AGBL1: variants seen among roughly 807,000 people sequenced by gnomAD.
The protein encoded by AGBL1 is AGBL carboxypeptidase 1.
Under a neutral mutation model 118.9 loss-of-function variants are expected in AGBL1, and 130 were observed. The observed-to-expected ratio is 1.09, with a 90% CI of 0.95 to 1.26. The LOEUF (loss-of-function observed/expected upper bound fraction) is 1.26, where lower values mean the gene tolerates loss of function less well. Among genes scored for constraint, AGBL1 ranks in the 50% most tolerant of loss-of-function variants. AGBL1 has a pLI of 0.00. For synonymous variants in AGBL1, 555 were observed against 478.9 expected (o/e 1.16, Z -2.08); for missense variants, 1,584 against 1,298.1 (o/e 1.22, Z -3.38).
intron 1 of AGBL1, among the ~76,000 whole-genome samples, chr15:86,087,741 AG>A (rs1193934307): frequency 1.3e-5 from 2 of 152,236 alleles, no homozygotes; most frequent in Non-Finnish European, 2.9e-5. Context: ...AGAGTGAACA[AG>A]TGGCATAGCT....
intron 3 of AGBL1, among the ~76,000 whole-genome samples, chr15:86,145,584 C>T (rs2077022507): frequency 6.6e-6 from 1 of 152,184 alleles, no homozygotes; most frequent in Non-Finnish European, 1.5e-5. Flanking sequence ...AGCACTCTTC[C>T]TTCCAATATT....
In AGBL1 at chr15:86,927,425, C is replaced by CA. The variant is rs10597612; in HGVS notation, c.3222-60550dup. 1.9e-3 allele frequency among the ~76,000 whole-genome samples: 271 copies of CA among 141,898 alleles called. 1 individual carries two copies. The East Asian group carries it at 0.02, about 10-fold the overall frequency. 93.1% of individuals were successfully genotyped at this position (141,898 alleles called of 152,430 possible). On this transcript the variant is annotated intron_variant, in intron 23 of 24. Transcript: ENST00000441037. Reference sequence around the variant, plus strand: ...GCAATAAAGGGAGACCCCATCTTTACAAAAAAAAAAAATAGCCAGGTGTGG... The same window carrying CA: ...GCAATAAAGGGAGACCCCATCTTTACAAAAAAAAAAAAATAGCCAGGTGTGG...
intron 21 of AGBL1, among the ~76,000 whole-genome samples, chr15:86,559,640 G>C (rs1234675936): frequency 6.6e-6 from 1 of 151,994 alleles, no homozygotes; most frequent in African/African-American, 2.4e-5. Flanking sequence ...ATTACTTCAT[G>C]TCTGCTATTG....
intron 22 of AGBL1, among the ~76,000 whole-genome samples, chr15:86,708,549 CTAAGACAAGGT>C (rs1255117421): frequency 4.6e-5 from 7 of 152,088 alleles, no homozygotes; most frequent in African/African-American, 1.7e-4. Flanking sequence ...CCTGAGCAGT[CTAAGACAAGGT>C]TAATTACAAT....
chr15:86,857,503 T>C (rs1024254396), intron 22 of AGBL1, among the ~76,000 whole-genome samples: 3 of 152,216 alleles, frequency 2.0e-5, no homozygotes, highest in African/African-American at 7.2e-5. Context: ...TCCCTCTGCA[T>C]AGAATGCTCT....
At chr15:86,444,412 G>A (rs1439667366) in intron 18 of AGBL1, among the ~76,000 whole-genome samples, 2 of 152,124 alleles carry the variant, frequency 1.3e-5, no homozygotes, top group African/African-American at 4.8e-5. Flanking sequence ...ATTGCATGAT[G>A]GGAAAGGACC....
At chr15:86,448,956 G>A (rs568171995) in intron 18 of AGBL1, among the ~76,000 whole-genome samples, 4 of 152,094 alleles carry the variant, frequency 2.6e-5, no homozygotes, top group Admixed American at 6.6e-5. Flanking sequence ...TATTTGTGGC[G>A]AGTATATGAG....
chr15:86,181,863 C>T (rs960328724), intron 5 of AGBL1, among the ~76,000 whole-genome samples: 2 of 151,938 alleles, frequency 1.3e-5, no homozygotes, highest in Non-Finnish European at 2.9e-5. Flanking sequence ...AAAATAATTT[C>T]AGTACTATCT....
At chr15:86,549,323 A>G (rs998866480) in intron 20 of AGBL1, among the ~76,000 whole-genome samples, 21 of 152,290 alleles carry the variant, frequency 1.4e-4, no homozygotes, top group Middle Eastern at 3.4e-3. Flanking sequence ...AGAGAGTGGA[A>G]GTCTTATGCA....
intron 7 of AGBL1, among the ~76,000 whole-genome samples, chr15:86,251,779 A>C (rs1479872418): frequency 1.3e-5 from 2 of 151,868 alleles, no homozygotes; most frequent in Admixed American, 6.6e-5. Flanking sequence ...GGAGCTTTGC[A>C]TGAGGAAAGA....
In AGBL1 at chr15:86,470,584, G is replaced by T. The variant is rs1348600817; in HGVS notation, c.2556-52226G>T. 3.3e-5 allele frequency among the ~76,000 whole-genome samples: 5 copies of T among 152,230 alleles called. No homozygotes were observed. The East Asian group carries it at 9.6e-4, about 29-fold the overall frequency. ...TTCTACTTCTATGAAAAATACCATT[G>T]TAATTTTGAGAGGGATGGCATTGAA... On this transcript the variant is annotated intron_variant, in intron 18 of 22. Coordinates refer to ENST00000614907, the MANE Select transcript of AGBL1 (RefSeq NM_001386094.1).
At chr15:86,374,825 A>T (rs749262398) in intron 17 of AGBL1, among the ~76,000 whole-genome samples, 1 of 152,174 alleles carries the variant, frequency 6.6e-6, no homozygotes. Flanking sequence ...CGTTTTTTCC[A>T]TATTATCTTG....
intron 23 of AGBL1, among the ~76,000 whole-genome samples, chr15:86,938,213 A>T (rs945081099): frequency 6.6e-6 from 1 of 152,120 alleles, no homozygotes; most frequent in African/African-American, 2.4e-5. Context: ...AGTGGGTGTG[A>T]AGAGATGAGC....
At chr15:86,715,238 A>C (rs2086620491) in intron 22 of AGBL1, among the ~76,000 whole-genome samples, 1 of 152,178 alleles carries the variant, frequency 6.6e-6, no homozygotes, top group Non-Finnish European at 1.5e-5. Context: ...ACAGTGAATT[A>C]GTGGCAGAGA....
At chr15:86,117,654 T>A (rs1437684553) in intron 1 of AGBL1, among the ~76,000 whole-genome samples, 1 of 152,224 alleles carries the variant, frequency 6.6e-6, no homozygotes, top group African/African-American at 2.4e-5. Context: ...ACAAGAGGTA[T>A]TCAAAACTCT....
chr15:86,850,760 T>C (rs2079397135), intron 22 of AGBL1, among the ~76,000 whole-genome samples: 1 of 152,216 alleles, frequency 6.6e-6, no homozygotes, highest in Admixed American at 6.5e-5. Context: ...AAAAAAATAC[T>C]TGTCATATAG....
chr15:86,828,741 GA>G (rs1024355644), intron 22 of AGBL1, among the ~76,000 whole-genome samples: 4 of 151,972 alleles, frequency 2.6e-5, no homozygotes, highest in Non-Finnish European at 5.9e-5. Flanking sequence ...ATTGTTTTAA[GA>G]AACCAAATTT....
In AGBL1 at chr15:86,823,707, G is replaced by A. The variant is rs940113347; in HGVS notation, c.3159-83380G>A. ...GAGAAGCAAATATAAGACTGGACAGGGTAGAATTTATTAACATAGGAGAAA... is the reference window on the plus strand; with the variant it reads ...GAGAAGCAAATATAAGACTGGACAGAGTAGAATTTATTAACATAGGAGAAA... On this transcript the variant is annotated intron_variant, in intron 22 of 22. Coordinates refer to ENST00000614907, the MANE Select transcript of AGBL1 (RefSeq NM_001386094.1). Among the ~76,000 whole-genome samples the A allele has an allele frequency of 2.6e-5, 4 of 152,140 alleles. No homozygotes were observed. The East Asian group carries it at 7.7e-4, about 29-fold the overall frequency.
At chr15:86,796,682 C>G (rs143855444) in intron 22 of AGBL1, among the ~76,000 whole-genome samples, 1 of 152,274 alleles carries the variant, frequency 6.6e-6, no homozygotes, top group Non-Finnish European at 1.5e-5. Flanking sequence ...CCTCCACTTG[C>G]TTTTGTAAAT....
Sources: allele counts gnomAD v4.1 joint callset (sites outside exome capture counted in the v4.1 genomes callset), GRCh38; gene constraint gnomAD v4.1.1; transcripts MANE v1.5; gene names NCBI Gene and HGNC (gene_info 2026-07-23, HGNC 2026-07-21).